Variants in NQO2 observed in about 807,000 individuals in gnomAD.
NQO2 encodes the protein N-ribosyldihydronicotinamide:quinone dehydrogenase 2.
NQO2 carries 18 observed loss-of-function variants against 22.0 expected under a neutral mutation model. The observed-to-expected ratio is 0.82, with a 90% confidence interval of 0.56 to 1.21. The LOEUF is 1.21. Among genes scored for constraint, NQO2 ranks in the 50% most tolerant of loss-of-function variants. NQO2 has a pLI of 0.00. For synonymous variants in NQO2, 106 were observed against 110.8 expected (o/e 0.96, Z 0.28); for missense variants, 267 against 286.9 (o/e 0.93, Z 0.50).
intron 6 of NQO2, chr6:3,019,234 G>A (rs1289294130): frequency 5.7e-6 from 2 of 353,220 alleles, no homozygotes; most frequent in Non-Finnish European, 7.9e-6. Flanking sequence ...AAAGATTGTA[G>A]GTTAATTGCA....
At chr6:3,000,975 T>A (rs1456981036) in intron 1 of NQO2, among the ~76,000 whole-genome samples, 1 of 152,126 alleles carries the variant, frequency 6.6e-6, no homozygotes, top group African/African-American at 2.4e-5. Context: ...CTTGAGTAGC[T>A]GGGATTACAG....
chr6:3,005,388 C>T (rs372660464), intron 1 of NQO2, among the ~76,000 whole-genome samples: 3 of 152,306 alleles, frequency 2.0e-5, no homozygotes, highest in African/African-American at 7.2e-5. Context: ...CCAACTTCTC[C>T]GCATCCTCAC....
chr6:3,001,611 A>G (rs960297663), intron 1 of NQO2, among the ~76,000 whole-genome samples: 15 of 152,250 alleles, frequency 9.9e-5, no homozygotes, highest in African/African-American at 3.6e-4. Flanking sequence ...TAGCTGCCGC[A>G]TGAATACACA....
Position 3,006,417 on chromosome 6 carries a change from G to T in NQO2, c.-85-51G>T, listed in dbSNP as rs1328511699. The T allele has an allele frequency of 2.0e-6, 3 of 1,513,696 alleles. No individual in the cohort carries two copies. The highest frequency in any genetic ancestry group is 2.8e-5 in the African/African-American group (2 of 70,766). 93.8% of individuals were successfully genotyped at this position (1,513,696 alleles called of 1,614,324 possible). On this transcript the variant is annotated intron_variant, in intron 1 of 6. Transcript: ENST00000380455. The surrounding 1 kb of genome is among the most constrained non-coding windows in gnomAD (Gnocchi z 4.0). Reference sequence around the variant, plus strand: ...AGTGATGCCTAGATGTGGTACATTCGACCTCACCTATGCCTCTCCCCACCC... The same window carrying T: ...AGTGATGCCTAGATGTGGTACATTCTACCTCACCTATGCCTCTCCCCACCC...
intron 5 of NQO2, among the ~76,000 whole-genome samples, chr6:3,016,430 C>CAAAAAAAAAAAAAAAAAAAAAAAAAAAA (rs36118697): frequency 1.2e-5 from 1 of 85,696 alleles, no homozygotes; most frequent in African/African-American, 4.8e-5. Flanking sequence ...GACTCTGTCT[C>CAAAAAAAAAAAAAAAAAAAAAAAAAAAA]AAAAAAAAAA....
At chr6:3,015,417 G>T (rs1757288671) in intron 4 of NQO2, 113 bp from the exon 5 acceptor site, 3 of 1,482,448 alleles carry the variant, frequency 2.0e-6, no homozygotes, top group Non-Finnish European at 2.7e-6. Flanking sequence ...CACCTGCCCA[G>T]CTGCCAGGGA....
rs754799224 is a variant in NQO2, at chr6:3,016,919, C to G, written c.453C>G (p.Gly151=). 6.2e-7 allele frequency: 1 copy of G among 1,612,446 alleles called. No homozygotes were observed. Among genetic ancestry groups the G allele is most frequent in the Admixed American group, 1.7e-5 (1 of 59,880 alleles). The change falls in exon 6 of 7, where the codon GGC becomes GGG. Residue 151 remains glycine (G), a synonymous_variant. Transcript: ENST00000380455. ...KLALLSVTTG[G]TAEMYTKTGV... Reference sequence around the variant, plus strand: ...CGCTCCTTTCCGTAACCACGGGAGGCACGGCCGAGATGTACACGAAGACAG... The same window carrying G: ...CGCTCCTTTCCGTAACCACGGGAGGGACGGCCGAGATGTACACGAAGACAG...
intron 3 of NQO2, among the ~76,000 whole-genome samples, chr6:3,010,493 C>A (rs1262933083): frequency 2.0e-5 from 3 of 151,962 alleles, no homozygotes; most frequent in Non-Finnish European, 4.4e-5. Context: ...AAATTTCCTC[C>A]CAAGTCACAG....
In NQO2 at chr6:3,008,172, C is replaced by T. The variant is rs115989088; in HGVS notation, c.7+1613C>T. ...GTGGCTCATACCAGTAATCCCAGCA[C>T]TCTGGGAGGCCAAGGTGGGCAGATC... On this transcript the variant is annotated intron_variant, in intron 2 of 6. Coordinates refer to ENST00000380455, the MANE Select transcript of NQO2 (RefSeq NM_000904.6). 7.3e-3 allele frequency among the ~76,000 whole-genome samples: 1,112 copies of T among 152,310 alleles called. 14 individuals are homozygous for T. The highest frequency in any genetic ancestry group is 0.014 in the Middle Eastern group (4 of 294).
chr6:3,016,660 T>A (rs1403051047), intron 5 of NQO2: 1 of 730,128 alleles, frequency 1.4e-6, no homozygotes, highest in Non-Finnish European at 1.7e-6. Context: ...AACCTGGGCA[T>A]GTTAGAGCTT....
In NQO2 at chr6:3,006,130, T is replaced by C. The variant is rs1467641883; in HGVS notation, c.-85-338T>C. 6.6e-6 allele frequency among the ~76,000 whole-genome samples: 1 copy of C among 152,184 alleles called. No individual in the cohort carries two copies. Among genetic ancestry groups the C allele is most frequent in the Non-Finnish European group, 1.5e-5 (1 of 68,024 alleles). On this transcript the variant is annotated intron_variant, in intron 1 of 6. Transcript: ENST00000380455. This position sits in a 1 kb window ranked among gnomAD's most constrained non-coding sequence, Gnocchi z 4.0. ...GTGGCGGTTCACTGATCCCCCAGCC[T>C]TCTGCTCGATCTACGGGGAAAACTG...
At chr6:3,002,168 C>T (rs1334395046) in intron 1 of NQO2, 2 of 983,086 alleles carry the variant, frequency 2.0e-6, no homozygotes, top group African/African-American at 3.5e-5. Context: ...AATGGATGCC[C>T]TGTCTAGAGG....
chr6:3,010,829 A>G (rs73718911), intron 3 of NQO2, among the ~76,000 whole-genome samples: 5,665 of 152,204 alleles, frequency 0.037, 120 homozygotes, highest in African/African-American at 0.055. Context: ...CTACCATGCT[A>G]TCCCCTTTGG....
In NQO2 at chr6:3,017,573, C is replaced by T. The variant is rs576499310; in HGVS notation, c.519+588C>T. Among the ~76,000 whole-genome samples the T allele has an allele frequency of 4.2e-3, 633 of 152,324 alleles. 3 individuals are homozygous for T. Among genetic ancestry groups the T allele is most frequent in the African/African-American group, 0.015 (607 of 41,574 alleles). On this transcript the variant is annotated intron_variant, in intron 6 of 6. Coordinates refer to ENST00000380455, the MANE Select transcript of NQO2 (RefSeq NM_000904.6). ...TCCCCAGGGGACCTCTTGGTGCCTG[C>T]GTGAGTGTCCCTGGGCCTGAAATGT...
intron 6 of NQO2, 59 bp downstream of exon 6, chr6:3,017,044 AT>A (rs1757353933): frequency 6.3e-7 from 1 of 1,576,816 alleles, no homozygotes; most frequent in Non-Finnish European, 8.6e-7. Context: ...AGACACACAC[AT>A]GCACACATGC....
At chr6:3,001,927 G>C (rs757918694) in intron 1 of NQO2, 1 of 152,308 alleles carries the variant, frequency 6.6e-6, no homozygotes, top group Non-Finnish European at 1.5e-5. Context: ...TGCAAGTCAA[G>C]AGCCTGTGTT....
chr6:3,015,711 C>A, intron 5 of NQO2, 68 bp downstream of exon 5: 3 of 1,423,968 alleles, frequency 2.1e-6, no homozygotes, highest in Non-Finnish European at 2.9e-6. Context: ...CGTCTTCTAT[C>A]AAGTTATATT....
Position 3,019,634 on chromosome 6 carries a change from C to G in NQO2, c.675C>G (p.Ala225=). The G allele has an allele frequency of 6.2e-7, 1 of 1,610,572 alleles. No homozygotes were observed. Among genetic ancestry groups the G allele is most frequent in the Non-Finnish European group, 8.5e-7 (1 of 1,177,926 alleles). The change falls in exon 7 of 7, where the codon GCC becomes GCG. Residue 225 remains alanine, a synonymous_variant. Transcript: ENST00000380455. ...IWKEEPIPCT[A]HWHFGQ is the part of the protein sequence containing the mutation. ...AGGAAGAGCCCATCCCCTGCACAGC[C>G]CACTGGCACTTCGGGCAATAACTCT...
At chr6:3,013,381 C>T (rs1343814610) in intron 4 of NQO2, among the ~76,000 whole-genome samples, 1 of 152,134 alleles carries the variant, frequency 6.6e-6, no homozygotes, top group Non-Finnish European at 1.5e-5. Flanking sequence ...TCCAGTGGTC[C>T]AAGAATCATC....
Sources: gnomAD v4.1 joint callset for allele counts (sites outside exome capture counted in the v4.1 genomes callset) on GRCh38, gnomAD v4.1.1 for gene constraint, Gnocchi (gnomAD v3.1) non-coding constraint, MANE v1.5 for transcripts, NCBI Gene and HGNC (gene_info 2026-07-23, HGNC 2026-07-21) for gene names.